The following ITGAD variants were observed in gnomAD, a reference collection of about 807,000 sequenced individuals.
ITGAD encodes integrin subunit alpha D.
A neutral mutation model predicts 139.0 loss-of-function variants in ITGAD; 105 were observed. The observed-to-expected ratio is 0.76, with a 90% CI of 0.65 to 0.89. The LOEUF (loss-of-function observed/expected upper bound fraction) is 0.89. Among genes scored for constraint, ITGAD ranks in the 40% least tolerant of loss-of-function variants. The pLI is 0.00. For synonymous variants in ITGAD, 569 were observed against 598.3 expected, an observed-to-expected ratio of 0.95 and a Z score of 0.71; for missense variants, 1,384 against 1,487.3, an observed-to-expected ratio of 0.93 and a Z score of 1.14.
At chr16:31,398,129 G>A (rs1049657314) in intron 5 of ITGAD, among the ~76,000 whole-genome samples, 12 of 152,012 alleles carry the variant, frequency 7.9e-5, no homozygotes, top group African/African-American at 2.7e-4. Flanking sequence ...TTTAAGACAG[G>A]GTCCCTGCCA....
intron 4 of ITGAD, 23 bp downstream of exon 4, chr16:31,397,689 G>A (rs746806292): frequency 1.4e-5 from 21 of 1,531,322 alleles, no homozygotes; most frequent in Middle Eastern, 1.9e-4. Context: ...CTTGGGCCAC[G>A]GGGGGGTGGG....
chr16:31,414,537 C>T lies in ITGAD; in HGVS notation c.2083C>T (p.Pro695Ser), dbSNP rs571085598. ...TGCCATTTTCAATGAAACCAAGAAC[C>T]CCACTTTGACTCGAAGAAAAACCCT... ...SRAIFNETKN[P>S]TLTRRKTLGL... The change falls in exon 17 of 30, where the codon CCC becomes TCC. Residue 695 changes from proline (P) to serine (S), a missense_variant. Pro to Ser is a moderately conservative substitution (Grantham distance 74). Transcript: ENST00000389202. 3.7e-6 allele frequency: 6 copies of T among 1,614,202 alleles called. No homozygotes were observed. In the South Asian group the frequency reaches 5.5e-5, roughly 15 times the overall value.
Position 31,414,923 on chromosome 16 carries a change from C to T in ITGAD, c.2215C>T (p.Pro739Ser), listed in dbSNP as rs1205580580. The change falls in exon 18 of 30, where the codon CCC (proline) becomes TCC (serine). Residue 739 changes from proline (P) to serine (S), a missense_variant. Coordinates refer to ENST00000389202, the MANE Select transcript of ITGAD (RefSeq NM_005353.3). ...LHLNFSLVREPIPSPQNLRPV... is the reference protein window; with the variant it reads ...LHLNFSLVRESIPSPQNLRPV... ...CCTCAACTTCTCACTGGTGAGAGAG[C>T]CCATCCCCTCCCCCCAGAACCTGCG... The T allele has an allele frequency of 6.2e-7, 1 of 1,613,864 alleles. No homozygotes were observed. Among genetic ancestry groups the T allele is most frequent in the Admixed American group, 1.7e-5 (1 of 60,006 alleles).
chr16:31,414,975 A>G lies in ITGAD; in HGVS notation c.2267A>G (p.Asp756Gly). 1.2e-6 allele frequency: 2 copies of G among 1,613,836 alleles called. No homozygotes were observed. Among genetic ancestry groups the G allele is most frequent in the Non-Finnish European group, 1.7e-6 (2 of 1,179,946 alleles). Reference protein sequence around the residue: ...LRPVLAVGSQDLFTASLPFEK... With the variant: ...LRPVLAVGSQGLFTASLPFEK... ...CCTGTGCTGGCCGTGGGCTCACAAG[A>G]CCTCTTCACTGCTTCTGTGAGTCTT... is the stretch of plus-strand genomic sequence containing the variant. The change falls in exon 18 of 30, where the codon GAC becomes GGC. Residue 756 changes from aspartate (D) to glycine (G), a missense_variant. By Grantham distance (94) the Asp-to-Gly change is moderately conservative. Coordinates refer to ENST00000389202, the MANE Select transcript of ITGAD (RefSeq NM_005353.3).
At position 31,418,115 on chromosome 16, in the gene ITGAD, C is replaced by T; in HGVS notation, c.2540C>T (p.Thr847Ile). ...AGTGCCCTGCGCCTGGCATGTGAGA[C>T]AGTGCCCACTGAGGATGAGGGCCTA... is the stretch of plus-strand genomic sequence containing the variant. The part of the protein sequence containing the change: ...HQSALRLACE[T>I]VPTEDEGLRS... Residue 847 changes from threonine to isoleucine, a missense_variant, in exon 21 of 30, where the codon ACA (threonine) becomes ATA (isoleucine). Physicochemically the swap from Thr to Ile is moderately conservative, Grantham distance 89 (BLOSUM62 -1). Transcript: ENST00000389202. 1 of 1,614,132 alleles carries T rather than the reference C, an allele frequency of 6.2e-7. No individual in the cohort carries two copies. The highest frequency in any genetic ancestry group is 8.5e-7 in the Non-Finnish European group (1 of 1,180,024).
intron 16 of ITGAD, 88 bp downstream of exon 16, chr16:31,413,334 C>A (rs774225559): frequency 5.8e-6 from 8 of 1,369,694 alleles, no homozygotes; most frequent in Non-Finnish European, 8.1e-6. Flanking sequence ...CCTAGGAATC[C>A]AATCTTACCT....
chr16:31,413,576 G>A (rs982337494), intron 16 of ITGAD, among the ~76,000 whole-genome samples: 4 of 152,084 alleles, frequency 2.6e-5, no homozygotes, highest in Non-Finnish European at 5.9e-5. Context: ...TTCCACAGAG[G>A]AACTAGAGTC....
At chr16:31,420,570 G>T (rs1336147791) in intron 23 of ITGAD, among the ~76,000 whole-genome samples, 1 of 150,074 alleles carries the variant, frequency 6.7e-6, no homozygotes, top group Non-Finnish European at 1.5e-5. Flanking sequence ...CTAATTTTTT[G>T]TTTGTTTGTT....
In ITGAD at chr16:31,413,206, C is replaced by A. The variant is rs754519640; in HGVS notation, c.1956C>A (p.Thr652=). The change falls in exon 16 of 30, where the codon ACC becomes ACA. Residue 652 remains threonine, a synonymous_variant. Transcript: ENST00000389202. ...GTGCCCTGGAAGCTGGGGACGCCAC[C>A]GTCTGTCTCACCATCCAGAAAAGCT... is the stretch of plus-strand genomic sequence containing the variant. The part of the protein sequence containing the change: ...KPSALEAGDA[T]VCLTIQKSSL... 1 of 1,614,146 alleles carries A rather than the reference C, an allele frequency of 6.2e-7. No individual in the cohort carries two copies.
intron 9 of ITGAD, 63 bp downstream of exon 9, chr16:31,407,979 CTTT>C: frequency 3.4e-6 from 4 of 1,184,746 alleles, no homozygotes; most frequent in South Asian, 1.8e-5. Flanking sequence ...CCCGTGCAGG[CTTT>C]TTTTTTTTGA....
rs1308895398 is a variant in ITGAD, at chr16:31,416,557, G to A, written c.2410G>A (p.Val804Met). 6.2e-7 allele frequency: 1 copy of A among 1,613,940 alleles called. No individual in the cohort carries two copies. The highest frequency in any genetic ancestry group is 8.5e-7 in the Non-Finnish European group (1 of 1,179,820). The change falls in exon 20 of 30, where the codon GTG becomes ATG. Residue 804 changes from valine to methionine, a missense_variant. Physicochemically the swap from Val to Met is conservative, Grantham distance 21 (BLOSUM62 1). Transcript: ENST00000389202. ...CCTGGAGCTCAACGTGATTGTGACTGTGTGGAACGCAGGTGAGGATTCCTA... is the reference window on the plus strand; with the variant it reads ...CCTGGAGCTCAACGTGATTGTGACTATGTGGAACGCAGGTGAGGATTCCTA... ...SSLELNVIVT[V>M]WNAGEDSYGT...
intron 23 of ITGAD, among the ~76,000 whole-genome samples, chr16:31,421,680 AG>A (rs2142843399): frequency 6.6e-6 from 1 of 152,208 alleles, no homozygotes; most frequent in Non-Finnish European, 1.5e-5. Context: ...ACTCTACTAC[AG>A]GGAGGTTGCT....
In ITGAD at chr16:31,403,794, C is replaced by T. The variant is rs945768876; in HGVS notation, c.704+149C>T. The T allele has an allele frequency of 7.5e-5, 72 of 956,184 alleles. No homozygotes were observed. Among genetic ancestry groups the T allele is most frequent in the Non-Finnish European group, 9.7e-5 (63 of 650,582 alleles). The allele number at this position is 956,184 out of a possible 1,614,324, so 59.2% of individuals were successfully genotyped here. ...CGGGGCTGCAGGGAGAACCTCCCCC[C>T]GGGGTGCTCCTGGTTGCCTCGCTGC... On this transcript the variant is annotated intron_variant, in intron 7 of 29. Transcript: ENST00000389202. This position sits in a 1 kb window ranked among gnomAD's most constrained non-coding sequence, Gnocchi z 4.4.
chr16:31,420,090 G>A (rs1183592654), intron 23 of ITGAD, among the ~76,000 whole-genome samples: 1 of 152,198 alleles, frequency 6.6e-6, no homozygotes, highest in Non-Finnish European at 1.5e-5. Context: ...GCTACATGGA[G>A]ATCAAGGCTT....
intron 9 of ITGAD, 64 bp from the exon 10 acceptor site, chr16:31,408,361 C>T (rs2081592842): frequency 7.3e-7 from 1 of 1,368,068 alleles, no homozygotes; most frequent in African/African-American, 1.4e-5. Context: ...GTTCTCCTCC[C>T]TGTGTTCTGA....
rs1386945805 is a variant in ITGAD at position 31,414,845 on chromosome 16, C to T, written c.2152-15C>T. Reference sequence around the variant, plus strand: ...AGAGAGGACAGCAGGTTCTTGAAAGCCTGTTCTCTCTCAGGATTGTGTGGA... The same window carrying T: ...AGAGAGGACAGCAGGTTCTTGAAAGTCTGTTCTCTCTCAGGATTGTGTGGA... On this transcript the variant is annotated splice_polypyrimidine_tract_variant and intron_variant, in intron 17 of 29. Coordinates refer to ENST00000389202, the MANE Select transcript of ITGAD (RefSeq NM_005353.3). The T allele has an allele frequency of 1.9e-6, 3 of 1,613,146 alleles. No individual in the cohort carries two copies. In the South Asian group the frequency reaches 3.3e-5, roughly 18 times the overall value.
At chr16:31,421,328 G>A (rs1035162406) in intron 23 of ITGAD, among the ~76,000 whole-genome samples, 1 of 151,186 alleles carries the variant, frequency 6.6e-6, no homozygotes, top group Non-Finnish European at 1.5e-5. Context: ...CTTAGGCTGC[G>A]CACGGTGGCT....
In ITGAD at chr16:31,411,291, C is replaced by G. The variant is rs1371035609; in HGVS notation, c.1498-17C>G. 4.4e-6 allele frequency: 7 copies of G among 1,608,982 alleles called. No individual in the cohort carries two copies. In the Admixed American group the frequency reaches 5.0e-5, roughly 12 times the overall value. On this transcript the variant is annotated splice_polypyrimidine_tract_variant and intron_variant, in intron 13 of 29. Coordinates refer to ENST00000389202, the MANE Select transcript of ITGAD (RefSeq NM_005353.3). Reference sequence around the variant, plus strand: ...GCGTCACCTGGATTGGGGTCTGACACTGCTTGTGTTCAGCAGAGGGTGCAG... The same window carrying G: ...GCGTCACCTGGATTGGGGTCTGACAGTGCTTGTGTTCAGCAGAGGGTGCAG...
chr16:31,395,975 A>T (rs1203355819), intron 2 of ITGAD, among the ~76,000 whole-genome samples: 2 of 152,090 alleles, frequency 1.3e-5, no homozygotes, highest in Non-Finnish European at 2.9e-5. Flanking sequence ...AATGTGGTCA[A>T]CTGAGGTGCA....
Sources: allele counts gnomAD v4.1 joint callset (sites outside exome capture counted in the v4.1 genomes callset), GRCh38; gene constraint gnomAD v4.1.1; non-coding constraint Gnocchi (gnomAD v3.1); transcripts MANE v1.5; gene names NCBI Gene and HGNC (gene_info 2026-07-23, HGNC 2026-07-21).